KIAA1328: variants seen among roughly 807,000 people sequenced by gnomAD.
KIAA1328 encodes KIAA1328, also known as protein hinderin.
Under a neutral mutation model 68.1 loss-of-function variants are expected in KIAA1328, and 52 were observed. The observed-to-expected ratio is 0.76, with a 90% CI of 0.61 to 0.96. The LOEUF (loss-of-function observed/expected upper bound fraction) is 0.96, where lower values mean the gene tolerates loss of function less well. Among genes scored for constraint, KIAA1328 ranks in the 40% least tolerant of loss-of-function variants. The probability of loss-of-function intolerance (pLI) is 0.00; values close to 1 mark genes in which losing one functional copy is unlikely to be tolerated. For synonymous variants in KIAA1328, 232 were observed against 239.4 expected (o/e 0.97, Z 0.28); for missense variants, 641 against 677.6 (o/e 0.95, Z 0.60).
At chr18:36,950,619 C>G (rs1272841064) in intron 5 of KIAA1328, among the ~76,000 whole-genome samples, 1 of 151,996 alleles carries the variant, frequency 6.6e-6, no homozygotes, top group African/African-American at 2.4e-5. Flanking sequence ...TTTTAATGGA[C>G]AAGTAGGAAT....
intron 6 of KIAA1328, among the ~76,000 whole-genome samples, chr18:37,044,055 G>A (rs370057959): frequency 1.1e-4 from 16 of 152,160 alleles, no homozygotes; most frequent in South Asian, 2.1e-4. Flanking sequence ...TAGTGTTCAC[G>A]TTTAATTTAA....
chr18:36,882,969 T>C (rs2048370888), intron 4 of KIAA1328, among the ~76,000 whole-genome samples: 1 of 152,204 alleles, frequency 6.6e-6, no homozygotes. Context: ...CAGAAAGCCA[T>C]TTTTTAGATC....
intron 9 of KIAA1328, among the ~76,000 whole-genome samples, chr18:37,199,468 G>A (rs2060066498): frequency 6.6e-6 from 1 of 152,136 alleles, no homozygotes; most frequent in Non-Finnish European, 1.5e-5. Context: ...TGGTGTTTAT[G>A]TACCACATTT....
intron 9 of KIAA1328, among the ~76,000 whole-genome samples, chr18:37,207,936 A>G (rs1024074457): frequency 4.6e-5 from 7 of 152,060 alleles, no homozygotes; most frequent in African/African-American, 1.7e-4. Flanking sequence ...CAGTCTCCCG[A>G]GTAGCTGGGA....
chr18:37,111,589 T>C (rs2057931286), intron 7 of KIAA1328, among the ~76,000 whole-genome samples: 2 of 152,236 alleles, frequency 1.3e-5, no homozygotes, highest in South Asian at 4.1e-4. Flanking sequence ...AAAGCTCCAG[T>C]CTACAGCTCC....
At chr18:36,998,620 G>A (rs527834110) in intron 6 of KIAA1328, among the ~76,000 whole-genome samples, 1 of 152,278 alleles carries the variant, frequency 6.6e-6, no homozygotes, top group Non-Finnish European at 1.5e-5. Flanking sequence ...CCTTACCACA[G>A]CTTCCATAAT....
chr18:36,908,201 A>C (rs1226373688), intron 5 of KIAA1328, among the ~76,000 whole-genome samples: 1 of 152,168 alleles, frequency 6.6e-6, no homozygotes, highest in Non-Finnish European at 1.5e-5. Context: ...TTTTCTTCTT[A>C]TGGAGGAGTT....
At chr18:37,043,879 C>T (rs543271704) in intron 6 of KIAA1328, among the ~76,000 whole-genome samples, 1 of 152,162 alleles carries the variant, frequency 6.6e-6, no homozygotes, top group Admixed American at 6.5e-5. Flanking sequence ...TGTTAAATAT[C>T]TGACTGCCAG....
At chr18:36,969,163 C>A (rs939645555) in intron 6 of KIAA1328, among the ~76,000 whole-genome samples, 1 of 152,054 alleles carries the variant, frequency 6.6e-6, no homozygotes, top group Non-Finnish European at 1.5e-5. Context: ...ATTTATAGCA[C>A]TAAACAGCCA....
intron 6 of KIAA1328, among the ~76,000 whole-genome samples, chr18:36,968,472 A>G (rs1439990825): frequency 2.0e-5 from 3 of 152,204 alleles, no homozygotes; most frequent in Non-Finnish European, 2.9e-5. Context: ...TGCAATTCTA[A>G]TATCAGACAA....
chr18:36,902,484 C>T (rs1653415824), intron 5 of KIAA1328: 1 of 151,982 alleles, frequency 6.6e-6, no homozygotes, highest in Non-Finnish European at 1.5e-5. Context: ...AACACTTTAC[C>T]ACCTTCAAGA....
chr18:37,226,555 TG>T (rs11348553), downstream of KIAA1328, among the ~76,000 whole-genome samples: 4,682 of 152,242 alleles, frequency 0.031, 214 homozygotes, highest in African/African-American at 0.1. Flanking sequence ...ATATTCTATG[TG>T]GTCTTCTGTA....
chr18:37,082,191 A>G (rs1599199096), intron 7 of KIAA1328, among the ~76,000 whole-genome samples: 2 of 53,368 alleles, frequency 3.7e-5, no homozygotes, highest in South Asian at 8.8e-4. Context: ...TTTTTTTTGG[A>G]TACAGCATCT....
intron 7 of KIAA1328, among the ~76,000 whole-genome samples, chr18:37,111,489 G>T (rs2057928507): frequency 1.3e-5 from 2 of 152,100 alleles, no homozygotes; most frequent in Admixed American, 6.6e-5. Context: ...TGTCAACTTG[G>T]CACTCATACA....
At chr18:37,099,015 C>CA (rs1164299809) in intron 7 of KIAA1328, among the ~76,000 whole-genome samples, 7 of 151,470 alleles carry the variant, frequency 4.6e-5, no homozygotes, top group Non-Finnish European at 7.4e-5. Flanking sequence ...TTGATCTTGT[C>CA]AAAAAAACGG....
At chr18:37,042,516 A>G (rs767725584) in intron 6 of KIAA1328, among the ~76,000 whole-genome samples, 7 of 152,192 alleles carry the variant, frequency 4.6e-5, no homozygotes, top group Non-Finnish European at 8.8e-5. Context: ...TGCTGGATAT[A>G]AAATTCTTAG....
intron 5 of KIAA1328, among the ~76,000 whole-genome samples, chr18:36,888,209 T>C (rs906797573): frequency 1.3e-5 from 2 of 152,212 alleles, no homozygotes; most frequent in Non-Finnish European, 2.9e-5. Flanking sequence ...CATCCAGTAG[T>C]GTGCCAGCTA....
chr18:37,060,942 C>G (rs576400729), intron 6 of KIAA1328, among the ~76,000 whole-genome samples: 2 of 152,188 alleles, frequency 1.3e-5, no homozygotes, highest in South Asian at 2.1e-4. Flanking sequence ...ATGGTGAAAC[C>G]GTGTCTCTAC....
intron 6 of KIAA1328, among the ~76,000 whole-genome samples, chr18:36,984,731 C>T: frequency 6.6e-6 from 1 of 151,780 alleles, no homozygotes; most frequent in East Asian, 1.9e-4. Flanking sequence ...CATGGTGAAA[C>T]CCCATCTCTA....
Sources: gnomAD v4.1 joint callset for allele counts (sites outside exome capture counted in the v4.1 genomes callset) on GRCh38, gnomAD v4.1.1 for gene constraint, MANE v1.5 for transcripts, NCBI Gene and HGNC (gene_info 2026-07-23, HGNC 2026-07-21) for gene names.